POLD3: variants seen among roughly 807,000 people sequenced by gnomAD.
POLD3 encodes DNA polymerase delta subunit 3.
A neutral mutation model predicts 58.2 loss-of-function variants in POLD3; 19 were observed. The ratio of observed to expected loss-of-function variants is 0.33; its 90% confidence interval spans 0.23 to 0.48. The LOEUF (loss-of-function observed/expected upper bound fraction) is 0.48. POLD3 is among the 20% of genes least tolerant of loss of function. The pLI is 0.99. For synonymous variants in POLD3, 172 were observed against 193.5 expected, an observed-to-expected ratio of 0.89 and a Z score of 0.92; for missense variants, 504 against 545.5, an observed-to-expected ratio of 0.92 and a Z score of 0.76.
chr11:74,668,742 A>G (rs1361340496), intron 4 of POLD3: 2 of 1,276,722 alleles, frequency 1.6e-6, no homozygotes, highest in Admixed American at 2.3e-5. Context: ...GGGAAGATAT[A>G]TAGAGTTTTC....
At chr11:74,660,235 A>G (rs2033188636) in intron 4 of POLD3, among the ~76,000 whole-genome samples, 1 of 152,172 alleles carries the variant, frequency 6.6e-6, no homozygotes, top group Non-Finnish European at 1.5e-5. Context: ...TGATTAAATT[A>G]TCTCCTCCTG....
chr11:74,646,082 C>T (rs1179016522), downstream of POLD3, among the ~76,000 whole-genome samples: 4 of 152,218 alleles, frequency 2.6e-5, no homozygotes, highest in Non-Finnish European at 5.9e-5. Context: ...AAGCGATTCT[C>T]CTGCCTCAGC....
intron 3 of POLD3, among the ~76,000 whole-genome samples, chr11:74,606,344 A>G (rs764141920): frequency 3.9e-5 from 6 of 152,216 alleles, no homozygotes; most frequent in Non-Finnish European, 5.9e-5. Context: ...GTCAAAGTTT[A>G]TGGCTGATTG....
chr11:74,610,354 G>A (rs1042841689), intron 3 of POLD3, among the ~76,000 whole-genome samples: 10 of 152,004 alleles, frequency 6.6e-5, no homozygotes, highest in Admixed American at 4.6e-4. Context: ...GGGACTACAG[G>A]CATGCACCAC....
At chr11:74,593,046 C>T (rs1485090925) in intron 1 of POLD3, 3 of 1,128,538 alleles carry the variant, frequency 2.7e-6, no homozygotes, top group Non-Finnish European at 3.3e-6. Flanking sequence ...AGGTGGTTGG[C>T]GTTTAAAGTT....
chr11:74,642,335 A>T lies in POLD3; in HGVS notation c.*1569A>T. On this transcript the variant is annotated 3_prime_UTR_variant, in exon 12 of 12. Coordinates refer to ENST00000263681, the MANE Select transcript of POLD3 (RefSeq NM_006591.3). ...ACCCTTCTTTTTAAAAGGAAAAAGGATGGAGAGAAGGATGGAAAGCCTGGA... is the reference window on the plus strand; with the variant it reads ...ACCCTTCTTTTTAAAAGGAAAAAGGTTGGAGAGAAGGATGGAAAGCCTGGA... The T allele has an allele frequency of 1.0e-6, 1 of 985,386 alleles. No individual in the cohort carries two copies. Among genetic ancestry groups the T allele is most frequent in the Non-Finnish European group, 1.2e-6 (1 of 829,872 alleles). 61.0% of individuals were successfully genotyped at this position (985,386 alleles called of 1,614,324 possible). A position where few individuals can be genotyped will look rare whatever the true frequency, so the allele number is the denominator to read the frequency against.
chr11:74,643,368 G>A (rs972030022), downstream of POLD3, among the ~76,000 whole-genome samples: 4 of 152,166 alleles, frequency 2.6e-5, no homozygotes, highest in African/African-American at 9.7e-5. Context: ...TATCTACTAT[G>A]TGTCAAGCCC....
At chr11:74,612,284 G>A (rs1289332339) in intron 4 of POLD3, among the ~76,000 whole-genome samples, 3 of 152,090 alleles carry the variant, frequency 2.0e-5, no homozygotes, top group African/African-American at 7.2e-5. Context: ...GTTAAGCAAA[G>A]CAAAATTTCT....
intron 9 of POLD3, among the ~76,000 whole-genome samples, chr11:74,631,241 G>A (rs929764213): frequency 1.3e-5 from 2 of 152,184 alleles, no homozygotes; most frequent in Non-Finnish European, 2.9e-5. Context: ...AACAGCAGGA[G>A]TAGAGAAAAT....
intron 3 of POLD3, among the ~76,000 whole-genome samples, chr11:74,610,460 C>T (rs1158916343): frequency 6.6e-6 from 1 of 152,140 alleles, no homozygotes; most frequent in African/African-American, 2.4e-5. Flanking sequence ...CTGCCTGCCT[C>T]GGCCTCCCAA....
At chr11:74,620,319 G>T (rs1348700821) in intron 7 of POLD3, among the ~76,000 whole-genome samples, 2 of 152,104 alleles carry the variant, frequency 1.3e-5, no homozygotes, top group African/African-American at 4.8e-5. Flanking sequence ...ATTATTCCTG[G>T]TTTAACTTCC....
chr11:74,655,200 AATC>A (rs1396743049), intron 4 of POLD3, among the ~76,000 whole-genome samples: 1 of 152,280 alleles, frequency 6.6e-6, no homozygotes, highest in Non-Finnish European at 1.5e-5. Flanking sequence ...ACCTCTGATC[AATC>A]ATTAGCTGAC....
At chr11:74,664,255 G>T (rs149621381) in intron 4 of POLD3, among the ~76,000 whole-genome samples, 148 of 152,236 alleles carry the variant, frequency 9.7e-4, no homozygotes, top group African/African-American at 3.5e-3. Context: ...TCTACCAAAT[G>T]ACCCAGCAAT....
chr11:74,626,922 A>G (rs1174462101), intron 8 of POLD3, among the ~76,000 whole-genome samples: 1 of 152,188 alleles, frequency 6.6e-6, no homozygotes, highest in Non-Finnish European at 1.5e-5. Context: ...AAATATACCT[A>G]CTGTGCTGCC....
At chr11:74,606,954 C>T (rs1205240176) in intron 3 of POLD3, among the ~76,000 whole-genome samples, 1 of 151,938 alleles carries the variant, frequency 6.6e-6, no homozygotes, top group African/African-American at 2.4e-5. Flanking sequence ...AGTGGGGTTG[C>T]TGTGGTTGAA....
chr11:74,606,613 T>G (rs1360759623), intron 3 of POLD3, among the ~76,000 whole-genome samples: 2 of 152,170 alleles, frequency 1.3e-5, no homozygotes, highest in Non-Finnish European at 2.9e-5. Context: ...TTTGAGATAA[T>G]GTAGATTTTT....
At chr11:74,625,085 T>C (rs2135159397) in intron 7 of POLD3, among the ~76,000 whole-genome samples, 1 of 152,320 alleles carries the variant, frequency 6.6e-6, no homozygotes, top group South Asian at 2.1e-4. Flanking sequence ...GGGAAACATC[T>C]TGTAATCCTT....
At chr11:74,621,647 A>T (rs2032263720) in intron 7 of POLD3, among the ~76,000 whole-genome samples, 1 of 152,122 alleles carries the variant, frequency 6.6e-6, no homozygotes, top group African/African-American at 2.4e-5. Flanking sequence ...TGCAGTGGTG[A>T]TACAATAGAG....
chr11:74,637,806 CTTT>C (rs11354555), intron 11 of POLD3, among the ~76,000 whole-genome samples: 1 of 143,854 alleles, frequency 7.0e-6, no homozygotes, highest in African/African-American at 2.6e-5. Context: ...TCACATTGCA[CTTT>C]TTTTTTTTTT....
Sources: gnomAD v4.1 joint callset for allele counts (sites outside exome capture counted in the v4.1 genomes callset) on GRCh38, gnomAD v4.1.1 for gene constraint, MANE v1.5 for transcripts, NCBI Gene and HGNC (gene_info 2026-07-23, HGNC 2026-07-21) for gene names.